EPB41L4B: variants seen among roughly 807,000 people sequenced by gnomAD.
EPB41L4B encodes erythrocyte membrane protein band 4.1 like 4B, also known as band 4.1-like protein 4B.
Under a neutral mutation model 112.5 loss-of-function variants are expected in EPB41L4B, and 30 were observed. The ratio of observed to expected loss-of-function variants is 0.27; its 90% CI spans 0.20 to 0.36. The LOEUF is 0.36. EPB41L4B is among the 10% of genes least tolerant of loss of function. The pLI is 1.00. For synonymous variants in EPB41L4B, 408 were observed against 439.7 expected, an observed-to-expected ratio of 0.93 and a Z score of 0.90; for missense variants, 1,024 against 1,133.3, an observed-to-expected ratio of 0.90 and a Z score of 1.38.
chr9:109,311,695 G>T (rs1449114655), intron 1 of EPB41L4B, among the ~76,000 whole-genome samples: 5 of 152,232 alleles, frequency 3.3e-5, no homozygotes, highest in African/African-American at 1.2e-4. Context: ...TTTACTGCAT[G>T]AAATTCTGAC....
At chr9:109,226,724 A>AAG (rs1288034765) in intron 15 of EPB41L4B, among the ~76,000 whole-genome samples, 5 of 133,450 alleles carry the variant, frequency 3.7e-5, no homozygotes, top group African/African-American at 1.4e-4. Flanking sequence ...TATATATATG[A>AAG]AGTATATATA....
At chr9:109,247,173 G>GT (rs555846521) in intron 14 of EPB41L4B, among the ~76,000 whole-genome samples, 1,784 of 129,140 alleles carry the variant, frequency 0.014, 22 homozygotes, top group African/African-American at 0.032. Flanking sequence ...CTCAAGACTA[G>GT]TTTTTTTTTT....
chr9:109,268,812 G>A (rs1392784856), intron 2 of EPB41L4B, among the ~76,000 whole-genome samples: 1 of 150,388 alleles, frequency 6.6e-6, no homozygotes, highest in African/African-American at 2.5e-5. Flanking sequence ...CAGGAGAATG[G>A]CGTGAACCCA....
At chr9:109,191,622 C>G (rs973738014) in intron 22 of EPB41L4B, among the ~76,000 whole-genome samples, 2 of 152,170 alleles carry the variant, frequency 1.3e-5, no homozygotes, top group Non-Finnish European at 2.9e-5. Context: ...AAGAAAAGAC[C>G]ATTTAAATCT....
At chr9:109,217,934 G>A in intron 15 of EPB41L4B, among the ~76,000 whole-genome samples, 1 of 151,094 alleles carries the variant, frequency 6.6e-6, no homozygotes, top group East Asian at 2.0e-4. Flanking sequence ...AAACAACTAG[G>A]ATTGCCCCAT....
At chr9:109,280,351 G>A (rs577916677) in intron 1 of EPB41L4B, among the ~76,000 whole-genome samples, 1 of 152,280 alleles carries the variant, frequency 6.6e-6, no homozygotes, top group Admixed American at 6.5e-5. Context: ...CCAGTCTTCC[G>A]ATTTCACAAA....
chr9:109,175,634 GT>G (rs1831799335), intron 25 of EPB41L4B, among the ~76,000 whole-genome samples: 1 of 151,224 alleles, frequency 6.6e-6, no homozygotes, highest in Non-Finnish European at 1.5e-5. Flanking sequence ...TGCCTCCTGA[GT>G]AGCTGGGATG....
chr9:109,303,260 A>C lies in EPB41L4B; in HGVS notation c.306+16881T>G, dbSNP rs532770115. ...TGGTGAAAGTGATAAATAAAAAAAA[A>C]ACAATTTTTAAATTCTTTAATCAAT... On this transcript the variant is annotated intron_variant, in intron 1 of 25. Coordinates refer to ENST00000374566, the MANE Select transcript of EPB41L4B (RefSeq NM_019114.5). Among the ~76,000 whole-genome samples the C allele has an allele frequency of 1.6e-3, 251 of 152,302 alleles. 2 individuals are homozygous for C. Among genetic ancestry groups the C allele is most frequent in the Non-Finnish European group, 2.7e-3 (187 of 68,032 alleles).
Position 109,243,618 on chromosome 9 carries a change from C to A in EPB41L4B, c.1409G>T (p.Ser470Ile). ...PRWHPHSPNV[S>I]YPLPSPVLSS... ...CAGCTCTGGAAGCACCAGCACTTAC[C>A]TGACATTTGGAGAGTGAGGATGCCA... is the stretch of plus-strand genomic sequence containing the variant. The change falls in exon 15 of 26, where the codon AGC (serine) becomes ATC (isoleucine). Residue 470 changes from serine to isoleucine, a missense_variant and splice_region_variant. Physicochemically the swap from Ser to Ile is moderately radical, Grantham distance 142. Coordinates refer to ENST00000374566, the MANE Select transcript of EPB41L4B (RefSeq NM_019114.5). The A allele has an allele frequency of 6.2e-7, 1 of 1,614,118 alleles. No individual in the cohort carries two copies.
In EPB41L4B at chr9:109,321,005, T is replaced by A; in HGVS notation, c.-559A>T. The stretch of plus-strand genomic sequence containing the variant: ...CGCCTCCCACCTGGGAGGCTGCACC[T>A]CCAGCCGCCGCCGCCGCCGCCGCCG... On this transcript the variant is annotated 5_prime_UTR_variant, in exon 1 of 26. Coordinates refer to ENST00000374566, the MANE Select transcript of EPB41L4B (RefSeq NM_019114.5). 1 of 182,164 alleles carries A rather than the reference T, an allele frequency of 5.5e-6. No homozygotes were observed. The allele number at this position is 182,164 out of a possible 1,614,324, so 11.3% of individuals were successfully genotyped here.
Position 109,194,285 on chromosome 9 carries a change from TG to T in EPB41L4B, c.2157del (p.Lys720ArgfsTer39). 3.7e-6 allele frequency: 6 copies of T among 1,614,134 alleles called. No homozygotes were observed. Among genetic ancestry groups the T allele is most frequent in the Non-Finnish European group, 5.1e-6 (6 of 1,180,038 alleles). The part of the protein sequence containing the change: ...ATQVSVPLPS[P>X]KVQNVSSPHK... Reference sequence around the variant, plus strand: ...TGAGGCGAGCTGACATTCTGGACCTTGGGGGACGGCAGCGGCACGGAGACTT... The same window carrying T: ...TGAGGCGAGCTGACATTCTGGACCTTGGGGACGGCAGCGGCACGGAGACTT... On this transcript the variant is annotated frameshift_variant, in exon 21 of 26. Transcript: ENST00000374566. LOFTEE classifies it high-confidence loss of function.
chr9:109,277,804 C>T (rs761272114), intron 2 of EPB41L4B, among the ~76,000 whole-genome samples: 14 of 152,056 alleles, frequency 9.2e-5, no homozygotes, highest in South Asian at 6.2e-4. Context: ...AGAAGGAGAC[C>T]GCTGTGGGCC....
intron 1 of EPB41L4B, among the ~76,000 whole-genome samples, chr9:109,289,735 G>A (rs1217113260): frequency 6.6e-6 from 1 of 152,160 alleles, no homozygotes; most frequent in African/African-American, 2.4e-5. Flanking sequence ...TATCCTTGTG[G>A]CTAACAAAAT....
chr9:109,246,132 T>C (rs761537079), intron 14 of EPB41L4B, among the ~76,000 whole-genome samples: 7 of 152,150 alleles, frequency 4.6e-5, no homozygotes, highest in Admixed American at 3.3e-4. Context: ...CCGGGCACGG[T>C]GGCTCACACC....
At chr9:109,271,401 G>T in intron 2 of EPB41L4B, among the ~76,000 whole-genome samples, 1 of 152,234 alleles carries the variant, frequency 6.6e-6, no homozygotes, top group Admixed American at 6.5e-5. Flanking sequence ...GGTTTTGCTT[G>T]CCTGCATCAG....
At chr9:109,191,457 G>A (rs944151731) in intron 22 of EPB41L4B, among the ~76,000 whole-genome samples, 3 of 152,066 alleles carry the variant, frequency 2.0e-5, no homozygotes, top group East Asian at 1.9e-4. Context: ...TGTGAGCAGC[G>A]TGTCTTGGGG....
chr9:109,269,478 T>C (rs900926476), intron 2 of EPB41L4B, among the ~76,000 whole-genome samples: 6 of 152,240 alleles, frequency 3.9e-5, no homozygotes, highest in Non-Finnish European at 8.8e-5. Flanking sequence ...AGGAGCATTC[T>C]ACTGAGCCCT....
In EPB41L4B at chr9:109,223,166, G is replaced by A. The variant is rs567016193; in HGVS notation, c.1410-6021C>T. ...AAAATTGTTGCATGCTAGGCCGGGC[G>A]CAATGGTTCACACCTGTACTTCCAG... On this transcript the variant is annotated intron_variant, in intron 15 of 25. Coordinates refer to ENST00000374566, the MANE Select transcript of EPB41L4B (RefSeq NM_019114.5). 1.7e-4 allele frequency among the ~76,000 whole-genome samples: 26 copies of A among 152,260 alleles called. 1 individual carries two copies. In the South Asian group the frequency reaches 4.4e-3, roughly 26 times the overall value.
chr9:109,320,245 T>C lies in EPB41L4B; in HGVS notation c.202A>G (p.Thr68Ala), dbSNP rs1441904160. The C allele has an allele frequency of 1.0e-5, 13 of 1,253,306 alleles. No homozygotes were observed. The highest frequency in any genetic ancestry group is 1.3e-5 in the Non-Finnish European group (13 of 995,310). The allele number at this position is 1,253,306 out of a possible 1,614,324, so 77.6% of individuals were successfully genotyped here. A position where few individuals can be genotyped will look rare whatever the true frequency, so the allele number is the denominator to read the frequency against. ...VFPAGGGPLLTGGAAVHISAA... is the reference protein window; with the variant it reads ...VFPAGGGPLLAGGAAVHISAA... ...GAGATGTGCACGGCCGCGCCGCCGG[T>C]GAGCAGGGGCCCGCCGCCCGCCGGG... is the stretch of plus-strand genomic sequence containing the variant. The change falls in exon 1 of 26, where the codon ACC becomes GCC. Residue 68 changes from threonine (T) to alanine (A), a missense_variant. Coordinates refer to ENST00000374566, the MANE Select transcript of EPB41L4B (RefSeq NM_019114.5).
Sources: gnomAD v4.1 joint callset for allele counts (sites outside exome capture counted in the v4.1 genomes callset) on GRCh38, gnomAD v4.1.1 for gene constraint, MANE v1.5 for transcripts, NCBI Gene and HGNC (gene_info 2026-07-23, HGNC 2026-07-21) for gene names.